PRKG1: variants seen among roughly 807,000 people sequenced by gnomAD.
The protein encoded by PRKG1 is protein kinase cGMP-dependent 1.
In PRKG1, 35 loss-of-function variants were observed where a neutral mutation model predicts 88.1. The observed-to-expected ratio is 0.40, with a 90% CI of 0.30 to 0.53. The LOEUF is 0.53. Among genes scored for constraint, PRKG1 ranks in the 20% least tolerant of loss-of-function variants. PRKG1 has a pLI of 0.59. For synonymous variants in PRKG1, 303 were observed against 292.5 expected (o/e 1.04, Z -0.37); for missense variants, 540 against 839.8 (o/e 0.64, Z 4.41).
At chr10:52,061,139 TCACAGAGA>T (rs946053245) in intron 6 of PRKG1, among the ~76,000 whole-genome samples, 18 of 152,090 alleles carry the variant, frequency 1.2e-4, no homozygotes, top group African/African-American at 3.6e-4. Context: ...AGCTTAGTGG[TCACAGAGA>T]CACAGAGACA....
At chr10:51,261,517 C>G (rs927401230) in intron 2 of PRKG1, among the ~76,000 whole-genome samples, 1 of 152,144 alleles carries the variant, frequency 6.6e-6, no homozygotes, top group African/African-American at 2.4e-5. Flanking sequence ...CTAACATGTA[C>G]ATATCCAAGA....
At chr10:51,394,927 A>C (rs918178598) in intron 2 of PRKG1, among the ~76,000 whole-genome samples, 2 of 152,108 alleles carry the variant, frequency 1.3e-5, no homozygotes, top group South Asian at 4.1e-4. Flanking sequence ...TGGATTCTTA[A>C]ATTTTTTTTC....
At chr10:51,862,994 T>G (rs1840924345) in intron 4 of PRKG1, among the ~76,000 whole-genome samples, 1 of 152,180 alleles carries the variant, frequency 6.6e-6, no homozygotes, top group African/African-American at 2.4e-5. Flanking sequence ...ATCAGGTGTC[T>G]TGGTGATTTG....
intron 2 of PRKG1, among the ~76,000 whole-genome samples, chr10:51,220,717 T>C (rs1838506174): frequency 6.6e-6 from 1 of 152,144 alleles, no homozygotes; most frequent in Non-Finnish European, 1.5e-5. Context: ...TATCTAAGGA[T>C]CTTGTGTTTG....
Position 52,054,512 on chromosome 10 carries a change from T to A in PRKG1, c.791T>A (p.Ile264Asn), listed in dbSNP as rs1846063656. Residue 264 changes from isoleucine to asparagine, a missense_variant, in exon 6 of 18, where the codon ATC becomes AAC. Physicochemically the swap from Ile to Asn is moderately radical, Grantham distance 149. Coordinates refer to ENST00000373980, the MANE Select transcript of PRKG1 (RefSeq NM_006258.4). ...ETHYENGEYIIRQGARGDTFF... is the reference protein window; with the variant it reads ...ETHYENGEYINRQGARGDTFF... ...CACTATGAAAATGGAGAATATATTATCAGGCAAGGTGCAAGAGGGGACACC... is the reference window on the plus strand; with the variant it reads ...CACTATGAAAATGGAGAATATATTAACAGGCAAGGTGCAAGAGGGGACACC... The A allele has an allele frequency of 1.2e-6, 2 of 1,613,878 alleles. No individual in the cohort carries two copies. Among genetic ancestry groups the A allele is most frequent in the Non-Finnish European group, 1.7e-6 (2 of 1,179,896 alleles).
chr10:51,705,901 G>A (rs186390293), intron 3 of PRKG1, among the ~76,000 whole-genome samples: 136 of 152,272 alleles, frequency 8.9e-4, no homozygotes, highest in African/African-American at 3.2e-3. Context: ...CTGAAAGCAG[G>A]TCTCCTGAAT....
chr10:52,180,713 T>G (rs1202223596), intron 9 of PRKG1, among the ~76,000 whole-genome samples: 1 of 152,204 alleles, frequency 6.6e-6, no homozygotes, highest in Admixed American at 6.5e-5. Context: ...GTGGTGTAAC[T>G]TTGCCAGACA....
intron 3 of PRKG1, among the ~76,000 whole-genome samples, chr10:51,636,919 A>G (rs182345650): frequency 3.9e-4 from 60 of 152,294 alleles, no homozygotes; most frequent in African/African-American, 1.4e-3. Context: ...GAAATTCTTG[A>G]CTAGAGAGAA....
intron 3 of PRKG1, among the ~76,000 whole-genome samples, chr10:51,703,554 T>C (rs1200641015): frequency 1.3e-5 from 2 of 152,228 alleles, no homozygotes; most frequent in East Asian, 1.9e-4. Flanking sequence ...AAAATCATTA[T>C]ATATCCCCCT....
At chr10:51,457,473 G>T (rs1839618202) in intron 2 of PRKG1, among the ~76,000 whole-genome samples, 1 of 152,182 alleles carries the variant, frequency 6.6e-6, no homozygotes. Context: ...ATTGGATGCA[G>T]TGTACGCTGC....
In PRKG1 at chr10:52,008,253, C is replaced by T. The variant is rs183323816; in HGVS notation, c.763-46231C>T. 7.9e-5 allele frequency among the ~76,000 whole-genome samples: 12 copies of T among 152,132 alleles called. No homozygotes were observed. The East Asian group carries it at 2.3e-3, about 29-fold the overall frequency. On this transcript the variant is annotated intron_variant, in intron 5 of 17. Transcript: ENST00000373980. ...AAGAGCAAACCAACCTCAAAGCTAG[C>T]AGAAGACAAGAAATAATCAAAATCA... is the stretch of plus-strand genomic sequence containing the variant.
intron 5 of PRKG1, among the ~76,000 whole-genome samples, chr10:51,975,373 C>A (rs1161037751): frequency 1.3e-5 from 2 of 151,744 alleles, no homozygotes; most frequent in African/African-American, 4.8e-5. Flanking sequence ...ACCTCACAAG[C>A]AATTAAAGAC....
At chr10:52,004,800 G>A (rs1366424133) in intron 5 of PRKG1, among the ~76,000 whole-genome samples, 1 of 152,104 alleles carries the variant, frequency 6.6e-6, no homozygotes, top group Non-Finnish European at 1.5e-5. Flanking sequence ...AGTGGCTCAT[G>A]CCGGTAATCC....
At chr10:52,222,894 A>T (rs538950587) in intron 9 of PRKG1, among the ~76,000 whole-genome samples, 1 of 152,040 alleles carries the variant, frequency 6.6e-6, no homozygotes, top group South Asian at 2.1e-4. Flanking sequence ...GTGTATAAAA[A>T]CTCTTACCTG....
intron 7 of PRKG1, among the ~76,000 whole-genome samples, chr10:52,108,635 T>C (rs1363428297): frequency 6.6e-6 from 1 of 152,176 alleles, no homozygotes; most frequent in African/African-American, 2.4e-5. Context: ...GTTCACTAAA[T>C]TATTCTAAGT....
intron 1 of PRKG1, among the ~76,000 whole-genome samples, chr10:51,062,295 C>G (rs970565644): frequency 6.6e-6 from 1 of 152,158 alleles, no homozygotes; most frequent in Non-Finnish European, 1.5e-5. Context: ...AAGCTTTGCT[C>G]AACTTCTTAG....
chr10:51,688,317 G>A (rs1841045656), intron 3 of PRKG1, among the ~76,000 whole-genome samples: 1 of 151,994 alleles, frequency 6.6e-6, no homozygotes, highest in African/African-American at 2.4e-5. Context: ...ACTTTAATTA[G>A]CAAGAGATTA....
chr10:51,831,555 C>G (rs770374605), intron 4 of PRKG1, among the ~76,000 whole-genome samples: 6 of 152,218 alleles, frequency 3.9e-5, no homozygotes, highest in Non-Finnish European at 5.9e-5. Flanking sequence ...CAACCCAGAC[C>G]TTTTATGGCT....
chr10:52,238,932 C>A (rs1243467883), intron 9 of PRKG1, among the ~76,000 whole-genome samples: 172 of 135,644 alleles, frequency 1.3e-3, no homozygotes, highest in Non-Finnish European at 2.3e-3. Context: ...AAATGTCCAA[C>A]AATGATAGAC....
Sources: allele counts gnomAD v4.1 joint callset (sites outside exome capture counted in the v4.1 genomes callset), GRCh38; gene constraint gnomAD v4.1.1; transcripts MANE v1.5; gene names NCBI Gene and HGNC (gene_info 2026-07-23, HGNC 2026-07-21).